The following NAV2 variants were observed in gnomAD, a reference collection of about 807,000 sequenced individuals.
NAV2 encodes the protein neuron navigator 2.
In NAV2, 54 loss-of-function variants were observed where a neutral mutation model predicts 223.2. The observed-to-expected ratio is 0.24, with a 90% CI of 0.19 to 0.30. The LOEUF (loss-of-function observed/expected upper bound fraction) is 0.30, where lower values mean the gene tolerates loss of function less well. Among genes scored for constraint, NAV2 ranks in the 10% least tolerant of loss-of-function variants. NAV2 has a pLI of 1.00. For synonymous variants in NAV2, 1,279 were observed against 1,239.3 expected (o/e 1.03, Z -0.67); for missense variants, 2,806 against 3,147.5 (o/e 0.89, Z 2.60).
In NAV2 at chr11:20,032,600, A is replaced by T. The variant is rs2055889641; in HGVS notation, c.2769-3359A>T. On this transcript the variant is annotated intron_variant, in intron 11 of 37. Transcript: ENST00000349880. ...CATTAAATTCCTAACCCCAAAGAGC[A>T]GATGCAAGAAAAGACACATGAGATT... Among the ~76,000 whole-genome samples, 3 of 152,220 alleles carry T rather than the reference A, an allele frequency of 2.0e-5. No individual in the cohort carries two copies. In the South Asian group the frequency reaches 6.2e-4, roughly 32 times the overall value.
At chr11:19,456,079 A>C (rs1851949476) in intron 1 of NAV2, among the ~76,000 whole-genome samples, 1 of 152,218 alleles carries the variant, frequency 6.6e-6, no homozygotes, top group Non-Finnish European at 1.5e-5. Flanking sequence ...GAGGTATAAC[A>C]ATGTCATCCA....
At chr11:19,724,977 C>T (rs948972315) in intron 1 of NAV2, among the ~76,000 whole-genome samples, 2 of 152,218 alleles carry the variant, frequency 1.3e-5, no homozygotes, top group Non-Finnish European at 1.5e-5. Flanking sequence ...CCCTGTCAAG[C>T]CTCAATTTCC....
chr11:20,009,386 C>G (rs749565087), intron 11 of NAV2, among the ~76,000 whole-genome samples: 2 of 152,088 alleles, frequency 1.3e-5, no homozygotes, highest in African/African-American at 4.8e-5. Context: ...GGCAGGTGCT[C>G]GTTGAACTCA....
intron 1 of NAV2, among the ~76,000 whole-genome samples, chr11:19,594,172 G>T (rs913198891): frequency 6.6e-5 from 10 of 152,108 alleles, no homozygotes; most frequent in African/African-American, 2.2e-4. Context: ...TGCATGGTGG[G>T]GCTGTTGGAG....
At position 19,713,717 on chromosome 11, in the gene NAV2, T is replaced by G; in HGVS notation, c.22T>G (p.Ser8Ala). MPAILVA[S>A]KMKSGLPKPV... is the part of the protein sequence containing the mutation. ...GAAGATGCCGGCCATCCTGGTCGCC[T>G]CCAAAATGAAGTCGGGACTGCCCAA... The change falls in exon 1 of 38, where the codon TCC becomes GCC. Residue 8 changes from serine to alanine, a missense_variant. This residue lies in a region of NAV2 where 1,167 missense variants were observed against 1,180.5 expected (regional missense o/e 0.99). Coordinates refer to ENST00000349880, the MANE Select transcript of NAV2 (RefSeq NM_145117.5). This position sits in a 1 kb window ranked among gnomAD's most constrained non-coding sequence, Gnocchi z 7.2. 1 of 1,579,500 alleles carries G rather than the reference T, an allele frequency of 6.3e-7. No individual in the cohort carries two copies. Among genetic ancestry groups the G allele is most frequent in the Admixed American group, 1.8e-5 (1 of 56,672 alleles).
chr11:19,519,678 T>G (rs2043580604), intron 1 of NAV2: 1 of 152,256 alleles, frequency 6.6e-6, no homozygotes, highest in South Asian at 2.1e-4. Flanking sequence ...AGCATGTCAA[T>G]GCACCATGTT....
At chr11:19,712,826 G>A (rs908575039), upstream of NAV2, among the ~76,000 whole-genome samples, 3 of 151,422 alleles carry the variant, frequency 2.0e-5, no homozygotes, top group Non-Finnish European at 4.4e-5. Flanking sequence ...CAGCAGCGCC[G>A]GCAGCAGCCT....
intron 1 of NAV2, among the ~76,000 whole-genome samples, chr11:19,561,484 C>T (rs2045096193): frequency 6.6e-6 from 1 of 152,086 alleles, no homozygotes. Flanking sequence ...TGAACTTGAC[C>T]TTGCTTTCAT....
chr11:20,064,756 A>G (rs1402201318), intron 20 of NAV2, among the ~76,000 whole-genome samples: 2 of 152,236 alleles, frequency 1.3e-5, no homozygotes, highest in Non-Finnish European at 2.9e-5. Flanking sequence ...TCAATGAATT[A>G]GTAAAGACCT....
At chr11:19,645,665 A>G (rs2047795830) in intron 1 of NAV2, among the ~76,000 whole-genome samples, 1 of 152,178 alleles carries the variant, frequency 6.6e-6, no homozygotes, top group African/African-American at 2.4e-5. Context: ...CTGAGCTTTT[A>G]CTATAGGCCA....
At chr11:19,543,184 G>C (rs920802837) in intron 1 of NAV2, among the ~76,000 whole-genome samples, 14 of 152,256 alleles carry the variant, frequency 9.2e-5, no homozygotes, top group Admixed American at 9.2e-4. Flanking sequence ...TTCCGATATG[G>C]GTGACTTAAA....
intron 1 of NAV2, among the ~76,000 whole-genome samples, chr11:19,651,221 C>A (rs1426944247): frequency 6.6e-6 from 1 of 152,152 alleles, no homozygotes; most frequent in Non-Finnish European, 1.5e-5. Flanking sequence ...ACTTCAAGAG[C>A]CTTTTCCTGG....
At chr11:20,103,850 A>G in intron 34 of NAV2, 126 bp downstream of exon 34, 1 of 837,502 alleles carries the variant, frequency 1.2e-6, no homozygotes, top group South Asian at 1.5e-5. Context: ...CATTTTTCTC[A>G]GCTTAATCCA....
intron 1 of NAV2, among the ~76,000 whole-genome samples, chr11:19,433,097 G>C (rs1851092822): frequency 6.6e-6 from 1 of 152,146 alleles, no homozygotes; most frequent in African/African-American, 2.4e-5. Flanking sequence ...TTGGGGCAGA[G>C]ACAAGGAAAA....
At chr11:20,037,559 A>G (rs141134047) in intron 12 of NAV2, among the ~76,000 whole-genome samples, 3 of 152,322 alleles carry the variant, frequency 2.0e-5, no homozygotes, top group African/African-American at 7.2e-5. Flanking sequence ...GGGTGGTGGT[A>G]GTTGTTTTAA....
chr11:19,823,914 T>TA (rs140285642), intron 1 of NAV2, among the ~76,000 whole-genome samples: 55 of 151,770 alleles, frequency 3.6e-4, no homozygotes, highest in African/African-American at 1.1e-3. Context: ...CTTAAAGTAT[T>TA]AAAAAAAAGA....
At chr11:19,679,224 A>T (rs1341287442) in intron 1 of NAV2, among the ~76,000 whole-genome samples, 1 of 152,134 alleles carries the variant, frequency 6.6e-6, no homozygotes, top group East Asian at 1.9e-4. Context: ...TGACGTCAGG[A>T]GTTCGAGAGC....
chr11:19,697,917 G>C (rs1230331470), intron 1 of NAV2, among the ~76,000 whole-genome samples: 1 of 152,130 alleles, frequency 6.6e-6, no homozygotes, highest in Non-Finnish European at 1.5e-5. Context: ...GTAACGCTGG[G>C]GTCAGTCCTA....
At chr11:19,770,531 C>T (rs2055632783) in intron 1 of NAV2, among the ~76,000 whole-genome samples, 2 of 152,098 alleles carry the variant, frequency 1.3e-5, no homozygotes, top group Non-Finnish European at 2.9e-5. Flanking sequence ...AGTCCTCAGG[C>T]CCCGGATGTT....
Sources: gnomAD v4.1 joint callset for allele counts (sites outside exome capture counted in the v4.1 genomes callset) on GRCh38, gnomAD v4.1.1 for gene constraint, gnomAD v4.1.1 regional missense constraint, Gnocchi (gnomAD v3.1) non-coding constraint, MANE v1.5 for transcripts, NCBI Gene and HGNC (gene_info 2026-07-23, HGNC 2026-07-21) for gene names.